FUBP3: variants seen among roughly 807,000 people sequenced by gnomAD.
FUBP3 encodes the protein far upstream element-binding protein 3.
FUBP3 carries 28 observed loss-of-function variants against 85.6 expected under a neutral mutation model. The ratio of observed to expected loss-of-function variants is 0.33; its 90% CI spans 0.24 to 0.45. The LOEUF is 0.45. Among genes scored for constraint, FUBP3 ranks in the 20% least tolerant of loss-of-function variants. The probability of loss-of-function intolerance (pLI) is 1.00; values close to 1 mark genes in which losing one functional copy is unlikely to be tolerated. For missense variants in FUBP3, 583 were observed against 755.1 expected, an observed-to-expected ratio of 0.77 and a Z score of 2.67; for synonymous variants, 271 against 271.4, an observed-to-expected ratio of 1.00 and a Z score of 0.01.
chr9:130,599,435 G>A (rs967970586), intron 2 of FUBP3, among the ~76,000 whole-genome samples: 1 of 151,766 alleles, frequency 6.6e-6, no homozygotes. Flanking sequence ...AGTGGAACAA[G>A]GGAAAGGATT....
At chr9:130,582,543 C>A (rs978575610) in intron 1 of FUBP3, among the ~76,000 whole-genome samples, 6 of 152,126 alleles carry the variant, frequency 3.9e-5, no homozygotes, top group African/African-American at 1.2e-4. Flanking sequence ...TAAAAAACAT[C>A]TGTCTACTTT....
In FUBP3 at chr9:130,612,462, A is replaced by G; in HGVS notation, c.231A>G (p.Val77=). The G allele has an allele frequency of 6.3e-7, 1 of 1,594,010 alleles. No homozygotes were observed. Among genetic ancestry groups the G allele is most frequent in the South Asian group, 1.1e-5 (1 of 89,888 alleles). ...AAATGTTCTTTGTTTTTAGGACGGTAATAACGGAAGAATTCAAAGTGCCTG... is the reference window on the plus strand; with the variant it reads ...AAATGTTCTTTGTTTTTAGGACGGTGATAACGGAAGAATTCAAAGTGCCTG... ...QLGALVHQRT[V]ITEEFKVPDK... The change falls in exon 4 of 19, where the codon GTA becomes GTG. Residue 77 remains valine (V), a synonymous_variant. Transcript: ENST00000319725. This position sits in a 1 kb window ranked among gnomAD's most constrained non-coding sequence, Gnocchi z 4.1.
In FUBP3 at chr9:130,612,921, G is replaced by T. The variant is rs763761924; in HGVS notation, c.275-35G>T. 3 of 1,366,140 alleles carry T rather than the reference G, an allele frequency of 2.2e-6. No individual in the cohort carries two copies. Among genetic ancestry groups the T allele is most frequent in the Non-Finnish European group, 3.1e-6 (3 of 954,548 alleles). The allele number at this position is 1,366,140 out of a possible 1,614,324, so 84.6% of individuals were successfully genotyped here. A position where few individuals can be genotyped will look rare whatever the true frequency, so the allele number is the denominator to read the frequency against. ...TCCTGCGTGGTGAAATATGGAATAG[G>T]GGCGTGTATTCTGACCCTGTTCAAT... On this transcript the variant is annotated intron_variant, in intron 4 of 18. Coordinates refer to ENST00000319725, the MANE Select transcript of FUBP3 (RefSeq NM_003934.2). This position sits in a 1 kb window ranked among gnomAD's most constrained non-coding sequence, Gnocchi z 4.1.
At chr9:130,632,135 G>A in intron 15 of FUBP3, 67 bp from the exon 16 acceptor site, 1 of 1,482,440 alleles carries the variant, frequency 6.7e-7, no homozygotes, top group Non-Finnish European at 9.4e-7. Context: ...GAGGTGAGCA[G>A]TGAAGAGGGA....
chr9:130,592,489 C>T (rs2119020155), intron 1 of FUBP3, among the ~76,000 whole-genome samples: 1 of 152,216 alleles, frequency 6.6e-6, no homozygotes, highest in East Asian at 1.9e-4. Context: ...ACTATCTTTT[C>T]CTTCCTTCCT....
At chr9:130,623,243 C>T (rs2053504050) in intron 10 of FUBP3, among the ~76,000 whole-genome samples, 2 of 152,048 alleles carry the variant, frequency 1.3e-5, no homozygotes, top group Admixed American at 1.3e-4. Context: ...CCTTAATGAG[C>T]AAAATTTTCG....
At position 130,630,697 on chromosome 9, in the gene FUBP3, C is replaced by T; in HGVS notation, c.1187C>T (p.Pro396Leu). Residue 396 changes from proline (P) to leucine (L), a missense_variant, in exon 13 of 19, where the codon CCC becomes CTC. Coordinates refer to ENST00000319725, the MANE Select transcript of FUBP3 (RefSeq NM_003934.2). Reference sequence around the variant, plus strand: ...GTGGAGCTTCAGAGGAACCCCCCTCCCAACAGCGACCCCAACCTGCGGAGA... The same window carrying T: ...GTGGAGCTTCAGAGGAACCCCCCTCTCAACAGCGACCCCAACCTGCGGAGA... ...AHVELQRNPP[P>L]NSDPNLRRFT... The T allele has an allele frequency of 6.3e-7, 1 of 1,596,840 alleles. No homozygotes were observed. Among genetic ancestry groups the T allele is most frequent in the Non-Finnish European group, 8.5e-7 (1 of 1,172,430 alleles).
chr9:130,624,318 C>T (rs1285224187), intron 11 of FUBP3, among the ~76,000 whole-genome samples: 1 of 152,248 alleles, frequency 6.6e-6, no homozygotes, highest in African/African-American at 2.4e-5. Flanking sequence ...GCAGCAGACT[C>T]AGGGTGCTTT....
chr9:130,628,079 AACAC>A (rs377295927), intron 12 of FUBP3, among the ~76,000 whole-genome samples: 9 of 146,068 alleles, frequency 6.2e-5, no homozygotes, highest in African/African-American at 1.0e-4. Flanking sequence ...CACCGCACTA[AACAC>A]ACGCACGCAC....
chr9:130,610,043 C>A, intron 3 of FUBP3, 56 bp downstream of exon 3: 1 of 1,304,750 alleles, frequency 7.7e-7, no homozygotes, highest in East Asian at 2.3e-5. Flanking sequence ...GTTTATTGAT[C>A]CACCATCTGT....
intron 3 of FUBP3, 116 bp downstream of exon 3, chr9:130,610,103 A>T: frequency 1.2e-6 from 1 of 852,388 alleles, no homozygotes; most frequent in East Asian, 2.5e-5. Context: ...AGCATGGGTT[A>T]GGCTTCTTTA....
intron 12 of FUBP3, among the ~76,000 whole-genome samples, chr9:130,630,113 G>A (rs142783819): frequency 6.6e-6 from 1 of 152,240 alleles, no homozygotes; most frequent in African/African-American, 2.4e-5. Context: ...GATACTGAAG[G>A]CCCGAGTGGG....
chr9:130,588,687 T>G (rs918009749), intron 1 of FUBP3, among the ~76,000 whole-genome samples: 4 of 152,220 alleles, frequency 2.6e-5, no homozygotes, highest in Admixed American at 6.5e-5. Flanking sequence ...AAGGTCACTG[T>G]GACAATTAAA....
At position 130,616,706 on chromosome 9, in the gene FUBP3, TATG is replaced by T. The variant is rs1462512902; in HGVS notation, c.567+193_567+195del. On this transcript the variant is annotated intron_variant, in intron 7 of 18. Transcript: ENST00000319725. The surrounding 1 kb of genome is among the most constrained non-coding windows in gnomAD (Gnocchi z 4.7). ...CACCACGGCCACGTCTGATGCCAAA[TATG>T]ATGCCAAGTACTAGGGCAGGTGTGC... 1.3e-5 allele frequency among the ~76,000 whole-genome samples: 2 copies of T among 150,326 alleles called. No individual in the cohort carries two copies. The highest frequency in any genetic ancestry group is 5.0e-5 in the African/African-American group (2 of 39,690).
chr9:130,628,094 GCA>G lies in FUBP3; in HGVS notation c.1117+1591_1117+1592del, dbSNP rs376615275. Among the ~76,000 whole-genome samples, 146 of 119,530 alleles carry G rather than the reference GCA, an allele frequency of 1.2e-3. 2 individuals carry two copies. Among genetic ancestry groups the G allele is most frequent in the African/African-American group, 1.4e-3 (46 of 32,836 alleles). 78.4% of individuals were successfully genotyped at this position (119,530 alleles called of 152,430 possible). A position where few individuals can be genotyped will look rare whatever the true frequency, so the allele number is the denominator to read the frequency against. Reference sequence around the variant, plus strand: ...CACCGCACTAAACACACGCACGCACGCACGCACGCGCACACACACACACACAC... The same window carrying G: ...CACCGCACTAAACACACGCACGCACGCGCACGCGCACACACACACACACAC... On this transcript the variant is annotated intron_variant, in intron 12 of 18. Transcript: ENST00000319725.
chr9:130,630,816 G>C (rs955222088), intron 13 of FUBP3, 28 bp downstream of exon 13: 1 of 1,431,358 alleles, frequency 7.0e-7, no homozygotes, highest in African/African-American at 1.5e-5. Context: ...CCCCCACCTG[G>C]TTTACTCATA....
At chr9:130,628,624 G>A (rs1412133949) in intron 12 of FUBP3, among the ~76,000 whole-genome samples, 6 of 152,160 alleles carry the variant, frequency 3.9e-5, no homozygotes, top group Admixed American at 1.3e-4. Flanking sequence ...GCTGTCTGGG[G>A]ACTGCAGGAT....
chr9:130,633,701 G>A (rs578147838), intron 16 of FUBP3, among the ~76,000 whole-genome samples: 40 of 152,218 alleles, frequency 2.6e-4, no homozygotes, highest in Non-Finnish European at 4.7e-4. Context: ...CTCCGCGTCC[G>A]AGGGAAGAGT....
At chr9:130,593,123 A>C (rs775114817) in intron 1 of FUBP3, among the ~76,000 whole-genome samples, 1 of 152,108 alleles carries the variant, frequency 6.6e-6, no homozygotes, top group Non-Finnish European at 1.5e-5. Context: ...CCAGCTCCTC[A>C]TCATCACGTA....
Sources: gnomAD v4.1 joint callset for allele counts (sites outside exome capture counted in the v4.1 genomes callset) on GRCh38, gnomAD v4.1.1 for gene constraint, Gnocchi (gnomAD v3.1) non-coding constraint, MANE v1.5 for transcripts, NCBI Gene and HGNC (gene_info 2026-07-23, HGNC 2026-07-21) for gene names.